SAMD5: variants seen among roughly 807,000 people sequenced by gnomAD.
SAMD5 encodes the protein sterile alpha motif domain-containing protein 5.
In SAMD5, 13 loss-of-function variants were observed where a neutral mutation model predicts 11.3. That is an observed-to-expected ratio of 1.15 (90% confidence interval 0.75 to 1.83). The LOEUF is 1.83. SAMD5 is among the 40% of genes most tolerant of loss of function. The pLI, the probability that SAMD5 is intolerant of heterozygous loss-of-function variation, is 0.00. For missense variants in SAMD5, 255 were observed against 239.1 expected, an observed-to-expected ratio of 1.07 and a Z score of -0.44; for synonymous variants, 129 against 111.3, an observed-to-expected ratio of 1.16 and a Z score of -1.00.
At chr6:147,853,661 C>T in the SAMD5 span, among the ~76,000 whole-genome samples, 2 of 150,452 alleles carry the variant, frequency 1.3e-5, no homozygotes, top group African/African-American at 4.9e-5. Context: ...ATTAATGTTT[C>T]CTTCCAAAAG....
chr6:147,948,816 C>T, the SAMD5 span, among the ~76,000 whole-genome samples: 1 of 152,068 alleles, frequency 6.6e-6, no homozygotes, highest in African/African-American at 2.4e-5. Context: ...TTTAATAGAA[C>T]ATGTTTGAAG....
chr6:147,721,899 A>T (rs1445860218), intron 1 of SAMD5, among the ~76,000 whole-genome samples: 1 of 152,222 alleles, frequency 6.6e-6, no homozygotes, highest in African/African-American at 2.4e-5. Context: ...TTTATATCCC[A>T]TTAAAAAACA....
the SAMD5 span, among the ~76,000 whole-genome samples, chr6:147,929,881 G>A: frequency 9.2e-5 from 14 of 152,266 alleles, no homozygotes; most frequent in Non-Finnish European, 1.9e-4. Flanking sequence ...GAAATAGTTT[G>A]ATTCTGGGTT....
chr6:147,616,740 C>T (rs1408856259), intron 1 of SAMD5, among the ~76,000 whole-genome samples: 4 of 152,162 alleles, frequency 2.6e-5, no homozygotes, highest in African/African-American at 9.7e-5. Context: ...AGGAAACTTA[C>T]AATCATGGCA....
chr6:147,796,006 T>C, the SAMD5 span, among the ~76,000 whole-genome samples: 1 of 147,616 alleles, frequency 6.8e-6, no homozygotes, highest in African/African-American at 2.5e-5. Context: ...TTTTCTCCCA[T>C]TTTGTAGGTT....
At chr6:147,555,220 C>T (rs760032377) in intron 1 of SAMD5, among the ~76,000 whole-genome samples, 6 of 152,122 alleles carry the variant, frequency 3.9e-5, no homozygotes, top group African/African-American at 7.2e-5. Flanking sequence ...TGCAAATGGA[C>T]GTGTATGTAA....
At chr6:147,688,772 C>A (rs1791057098) in intron 1 of SAMD5, among the ~76,000 whole-genome samples, 1 of 152,206 alleles carries the variant, frequency 6.6e-6, no homozygotes, top group South Asian at 2.1e-4. Flanking sequence ...AACTCCCCAA[C>A]ACTTAAAATG....
At chr6:147,781,159 GT>G in the SAMD5 span, among the ~76,000 whole-genome samples, 17,141 of 137,608 alleles carry the variant, frequency 0.12, 1,520 homozygotes, top group African/African-American at 0.28. Context: ...TTTTGGATTT[GT>G]TTTTTTTTTT....
chr6:147,897,943 TAAAAAAAAAAAAAAAAAAAAAA>T, the SAMD5 span, among the ~76,000 whole-genome samples: 2 of 89,638 alleles, frequency 2.2e-5, no homozygotes, highest in Non-Finnish European at 4.2e-5. Flanking sequence ...AGATTTTTCT[TAAAAAAAAAAAAAAAAAAAAAA>T]AAAAAAAAAA....
At chr6:147,866,650 A>T in the SAMD5 span, among the ~76,000 whole-genome samples, 2 of 152,164 alleles carry the variant, frequency 1.3e-5, no homozygotes, top group Non-Finnish European at 2.9e-5. Context: ...TGTTATGAAA[A>T]AATACTTAGC....
the SAMD5 span, among the ~76,000 whole-genome samples, chr6:147,927,442 G>A: frequency 6.6e-6 from 1 of 152,078 alleles, no homozygotes; most frequent in African/African-American, 2.4e-5. Context: ...ATGAGATTGT[G>A]TTCCTGATTT....
At chr6:147,912,973 G>A in the SAMD5 span, among the ~76,000 whole-genome samples, 1 of 151,954 alleles carries the variant, frequency 6.6e-6, no homozygotes, top group African/African-American at 2.4e-5. Flanking sequence ...GAATAGGTTG[G>A]AAAATATACA....
the SAMD5 span, among the ~76,000 whole-genome samples, chr6:147,933,596 A>C: frequency 6.6e-6 from 1 of 152,260 alleles, no homozygotes; most frequent in South Asian, 2.1e-4. Context: ...AAAAGGATTG[A>C]GTTAGACTGA....
rs112016670 is a variant in SAMD5 at position 147,601,633 on chromosome 6, C to T, written c.162+92246C>T. On this transcript the variant is annotated intron_variant, in intron 1 of 1. Transcript: ENST00000566741. Reference sequence around the variant, plus strand: ...GATAAACATACCGTAGATTATAATGCTCAGTCCTGGTCATGAATTGAAACA... The same window carrying T: ...GATAAACATACCGTAGATTATAATGTTCAGTCCTGGTCATGAATTGAAACA... Among the ~76,000 whole-genome samples the T allele has an allele frequency of 2.1e-3, 314 of 152,266 alleles. 3 individuals carry two copies. Among genetic ancestry groups the T allele is most frequent in the African/African-American group, 7.2e-3 (300 of 41,552 alleles).
chr6:147,868,116 A>G, the SAMD5 span, among the ~76,000 whole-genome samples: 1 of 152,210 alleles, frequency 6.6e-6, no homozygotes, highest in Non-Finnish European at 1.5e-5. Context: ...TTTGGAACAG[A>G]TTGATTTCCC....
intron 1 of SAMD5, among the ~76,000 whole-genome samples, chr6:147,623,237 T>C (rs566121053): frequency 3.9e-5 from 6 of 152,356 alleles, no homozygotes; most frequent in African/African-American, 1.4e-4. Context: ...CTCATGAGCC[T>C]CCCAGACACC....
chr6:147,667,190 G>A (rs9386190), intron 1 of SAMD5, among the ~76,000 whole-genome samples: 9,965 of 152,240 alleles, frequency 0.065, 479 homozygotes, highest in East Asian at 0.18. Context: ...CATAAGGCCT[G>A]TGTGTTATTC....
chr6:147,882,392 G>A, the SAMD5 span, among the ~76,000 whole-genome samples: 2 of 152,190 alleles, frequency 1.3e-5, no homozygotes, highest in Admixed American at 6.5e-5. Flanking sequence ...GTCACAGTGT[G>A]TAGTCATAGT....
At chr6:147,856,688 G>T in the SAMD5 span, among the ~76,000 whole-genome samples, 1 of 152,082 alleles carries the variant, frequency 6.6e-6, no homozygotes, top group Non-Finnish European at 1.5e-5. Flanking sequence ...TGAGCCAAAG[G>T]ATCCAAAGCT....
Sources: gnomAD v4.1 joint callset for allele counts (sites outside exome capture counted in the v4.1 genomes callset) on GRCh38, gnomAD v4.1.1 for gene constraint, MANE v1.5 for transcripts, NCBI Gene and HGNC (gene_info 2026-07-23, HGNC 2026-07-21) for gene names.